The following CAMK1D variants were observed in gnomAD, a reference collection of about 807,000 sequenced individuals.
CAMK1D encodes calcium/calmodulin-dependent protein kinase type 1D.
A neutral mutation model predicts 47.7 loss-of-function variants in CAMK1D; 9 were observed. The ratio of observed to expected loss-of-function variants is 0.19; its 90% CI spans 0.11 to 0.33. The LOEUF is 0.33. Ranked by LOEUF, CAMK1D falls within the 10% of genes least tolerant of loss-of-function variation. The pLI is 1.00. For missense variants in CAMK1D, 291 were observed against 488.7 expected (o/e 0.60, Z 3.81); for synonymous variants, 184 against 184.9 (o/e 0.99, Z 0.04).
rs538148490 is a variant in CAMK1D at position 12,599,501 on chromosome 10, A to G, written c.224+46145A>G. Among the ~76,000 whole-genome samples the G allele has an allele frequency of 2.0e-5, 3 of 152,334 alleles. 1 individual carries two copies. The highest frequency in any genetic ancestry group is 7.2e-5 in the African/African-American group (3 of 41,568). ...TGCCTCAAAGGAGAAACCCTCTGGGATGAGACAGACATAAAGTAAGAAGAA... is the reference window on the plus strand; with the variant it reads ...TGCCTCAAAGGAGAAACCCTCTGGGGTGAGACAGACATAAAGTAAGAAGAA... On this transcript the variant is annotated intron_variant, in intron 2 of 10. Transcript: ENST00000619168.
At chr10:12,632,066 G>A (rs1254477400) in intron 2 of CAMK1D, among the ~76,000 whole-genome samples, 1 of 152,196 alleles carries the variant, frequency 6.6e-6, no homozygotes, top group Non-Finnish European at 1.5e-5. Context: ...GCTGAATGAA[G>A]GCCCCGTTGC....
In CAMK1D at chr10:12,546,293, G is replaced by C. The variant is rs78785877; in HGVS notation, c.93-6932G>C. Among the ~76,000 whole-genome samples the C allele has an allele frequency of 5.3e-5, 8 of 152,284 alleles. No homozygotes were observed. The East Asian group carries it at 1.5e-3, about 29-fold the overall frequency. ...GACATGAACCAGAGCCACGATGAAG[G>C]GATGGAGGAGCGGGCGGGCATTTGA... is the stretch of plus-strand genomic sequence containing the variant. On this transcript the variant is annotated intron_variant, in intron 1 of 10. Coordinates refer to ENST00000619168, the MANE Select transcript of CAMK1D (RefSeq NM_153498.4).
intron 4 of CAMK1D, among the ~76,000 whole-genome samples, chr10:12,766,687 C>G (rs1387629088): frequency 1.3e-5 from 2 of 152,156 alleles, no homozygotes; most frequent in African/African-American, 4.8e-5. Flanking sequence ...TTCTTTCTAG[C>G]TCCTGTATCA....
chr10:12,666,276 T>C (rs148838923), intron 2 of CAMK1D, among the ~76,000 whole-genome samples: 65 of 152,148 alleles, frequency 4.3e-4, no homozygotes, highest in African/African-American at 1.5e-3. Context: ...CTGGAACATA[T>C]ATATTCTCCA....
intron 6 of CAMK1D, among the ~76,000 whole-genome samples, chr10:12,805,367 C>CTT (rs35851814): frequency 6.2e-5 from 8 of 128,708 alleles, no homozygotes. Flanking sequence ...CTTTACATTT[C>CTT]TTTTTTTTTT....
At chr10:12,821,206 G>A (rs765654355) in intron 8 of CAMK1D, among the ~76,000 whole-genome samples, 39 of 152,302 alleles carry the variant, frequency 2.6e-4, no homozygotes, top group Admixed American at 5.9e-4. Context: ...CTGATTGAAC[G>A]AGGCCCACCC....
rs114219876 is a variant in CAMK1D, at chr10:12,471,162, T to C, written c.93-82063T>C. On this transcript the variant is annotated intron_variant, in intron 1 of 10. Transcript: ENST00000619168. Reference sequence around the variant, plus strand: ...AGGCTGAGTGGCCACTACTGGTGACTGATTCCCCCACCCCAGCGCACATGT... The same window carrying C: ...AGGCTGAGTGGCCACTACTGGTGACCGATTCCCCCACCCCAGCGCACATGT... Among the ~76,000 whole-genome samples, 1,226 of 152,310 alleles carry C rather than the reference T, an allele frequency of 8.0e-3. 23 individuals carry two copies. The highest frequency in any genetic ancestry group is 0.028 in the African/African-American group (1,153 of 41,574).
intron 1 of CAMK1D, among the ~76,000 whole-genome samples, chr10:12,491,609 T>C (rs1304272542): frequency 1.3e-5 from 2 of 152,096 alleles, no homozygotes; most frequent in African/African-American, 2.4e-5. Flanking sequence ...TGTGCCTGCC[T>C]TTCCTCACCT....
chr10:12,752,068 G>T (rs916110428), intron 3 of CAMK1D, among the ~76,000 whole-genome samples: 1 of 151,424 alleles, frequency 6.6e-6, no homozygotes, highest in Non-Finnish European at 1.5e-5. Flanking sequence ...CACAGTGGCC[G>T]CCTCCCAGGT....
intron 3 of CAMK1D, among the ~76,000 whole-genome samples, chr10:12,684,123 C>T (rs374678162): frequency 2.1e-4 from 32 of 152,274 alleles, no homozygotes; most frequent in African/African-American, 6.5e-4. Flanking sequence ...CAGAGCCCAG[C>T]GGCCAGTTTG....
intron 2 of CAMK1D, among the ~76,000 whole-genome samples, chr10:12,613,705 C>G (rs1417767369): frequency 6.6e-6 from 1 of 152,180 alleles, no homozygotes; most frequent in African/African-American, 2.4e-5. Context: ...GTCTCGCACT[C>G]CTGACCTCAC....
At chr10:12,797,377 CA>C (rs1163415018) in intron 6 of CAMK1D, among the ~76,000 whole-genome samples, 1 of 151,882 alleles carries the variant, frequency 6.6e-6, no homozygotes, top group Non-Finnish European at 1.5e-5. Context: ...AAAAACAAAA[CA>C]AAACACAACA....
intron 5 of CAMK1D, among the ~76,000 whole-genome samples, chr10:12,772,773 G>A (rs761802982): frequency 1.3e-5 from 2 of 152,210 alleles, no homozygotes; most frequent in Non-Finnish European, 2.9e-5. Flanking sequence ...GAGGACTGTA[G>A]CAGTGGCGTT....
rs1194343104 is a variant in CAMK1D at position 12,740,137 on chromosome 10, G to A, written c.300-20811G>A. Among the ~76,000 whole-genome samples the A allele has an allele frequency of 2.0e-5, 3 of 151,986 alleles. No homozygotes were observed. In the East Asian group the frequency reaches 5.8e-4, roughly 29 times the overall value. ...TCTGTCTGTGCTCAGCTTTTTCCTG[G>A]GGCCTCACCTCTGCTCTCCGTTTAT... On this transcript the variant is annotated intron_variant, in intron 3 of 10. Coordinates refer to ENST00000619168, the MANE Select transcript of CAMK1D (RefSeq NM_153498.4).
intron 1 of CAMK1D, among the ~76,000 whole-genome samples, chr10:12,513,850 G>A (rs907910345): frequency 2.6e-5 from 4 of 152,162 alleles, no homozygotes; most frequent in African/African-American, 9.7e-5. Context: ...CTGAACTGAT[G>A]GTGCATTATC....
At chr10:12,804,672 G>T (rs567271354) in intron 6 of CAMK1D, among the ~76,000 whole-genome samples, 47 of 151,654 alleles carry the variant, frequency 3.1e-4, no homozygotes, top group Middle Eastern at 3.4e-3. Flanking sequence ...GATGGCTCAT[G>T]CCTGCAATCC....
intron 3 of CAMK1D, among the ~76,000 whole-genome samples, chr10:12,693,643 G>T (rs374226324): frequency 6.6e-6 from 1 of 151,314 alleles, no homozygotes; most frequent in African/African-American, 2.4e-5. Context: ...CCCTAAAAAA[G>T]AAACTCTGCC....
chr10:12,772,717 T>C (rs112384094), intron 5 of CAMK1D, among the ~76,000 whole-genome samples: 219 of 152,146 alleles, frequency 1.4e-3, no homozygotes, highest in Non-Finnish European at 2.3e-3. Context: ...CATTGGGTAA[T>C]GGTGTTGTGA....
At chr10:12,724,338 G>C (rs1354560346) in intron 3 of CAMK1D, among the ~76,000 whole-genome samples, 2 of 152,162 alleles carry the variant, frequency 1.3e-5, no homozygotes, top group Non-Finnish European at 2.9e-5. Context: ...TGAGGAAAAT[G>C]GCATTCGTGT....
Sources: gnomAD v4.1 joint callset for allele counts (sites outside exome capture counted in the v4.1 genomes callset) on GRCh38, gnomAD v4.1.1 for gene constraint, MANE v1.5 for transcripts, NCBI Gene and HGNC (gene_info 2026-07-23, HGNC 2026-07-21) for gene names.